Variants in ADGRV1 observed in about 807,000 individuals in gnomAD.
ADGRV1 encodes the protein G-protein coupled receptor 98.
Under a neutral mutation model 596.2 loss-of-function variants are expected in ADGRV1, and 359 were observed. The ratio of observed to expected loss-of-function variants is 0.60; its 90% CI spans 0.55 to 0.66. ADGRV1 has a LOEUF of 0.66. ADGRV1 is among the 30% of genes least tolerant of loss of function. The pLI is 0.00. For synonymous variants in ADGRV1, 2,681 were observed against 2,679.2 expected (o/e 1.00, Z -0.02); for missense variants, 7,274 against 7,575.6 (o/e 0.96, Z 1.48).
intron 1 of ADGRV1, among the ~76,000 whole-genome samples, chr5:90,612,671 T>C (rs111519961): frequency 6.6e-6 from 1 of 152,102 alleles, no homozygotes; most frequent in Non-Finnish European, 1.5e-5. Context: ...ATATAAGCAT[T>C]TGCTGTTATG....
At chr5:90,627,897 T>C in intron 7 of ADGRV1, 121 bp downstream of exon 7, 1 of 488,694 alleles carries the variant, frequency 2.0e-6, no homozygotes, top group Non-Finnish European at 3.4e-6. Context: ...CCCACAAAGT[T>C]TCATGACAAA....
intron 87 of ADGRV1, among the ~76,000 whole-genome samples, chr5:91,130,365 C>T (rs13158589): frequency 6.6e-6 from 1 of 151,616 alleles, no homozygotes; most frequent in Non-Finnish European, 1.5e-5. Context: ...AACCCTGTCT[C>T]TACTAAAAAT....
chr5:90,993,733 G>T (rs562983121), intron 85 of ADGRV1, among the ~76,000 whole-genome samples: 1 of 151,916 alleles, frequency 6.6e-6, no homozygotes, highest in African/African-American at 2.4e-5. Context: ...TGGGTCTCTC[G>T]GAGTGGAGTC....
At chr5:91,112,024 CTG>C (rs1322441093) in intron 87 of ADGRV1, among the ~76,000 whole-genome samples, 2 of 152,200 alleles carry the variant, frequency 1.3e-5, no homozygotes, top group Non-Finnish European at 2.9e-5. Context: ...TGAAACACCT[CTG>C]TGTTTTTGAG....
At chr5:91,024,419 T>C (rs1443528741) in intron 85 of ADGRV1, among the ~76,000 whole-genome samples, 1 of 152,180 alleles carries the variant, frequency 6.6e-6, no homozygotes, top group African/African-American at 2.4e-5. Flanking sequence ...TCTGCCAACA[T>C]TTAGGATTTG....
chr5:91,036,373 C>A (rs1246305323), intron 85 of ADGRV1, among the ~76,000 whole-genome samples: 1 of 151,994 alleles, frequency 6.6e-6, no homozygotes, highest in Non-Finnish European at 1.5e-5. Flanking sequence ...TCCTGGCTAA[C>A]ACGGTGAAAC....
chr5:90,585,727 A>G (rs1296835478), intron 1 of ADGRV1, among the ~76,000 whole-genome samples: 1 of 152,268 alleles, frequency 6.6e-6, no homozygotes, highest in Non-Finnish European at 1.5e-5. Context: ...AAAGAGAAGC[A>G]GTCCCGCATG....
intron 42 of ADGRV1, among the ~76,000 whole-genome samples, chr5:90,715,785 C>A (rs1218511847): frequency 6.6e-6 from 1 of 151,906 alleles, no homozygotes. Flanking sequence ...CTTCAAATTA[C>A]CTGAATGTCC....
intron 26 of ADGRV1, among the ~76,000 whole-genome samples, chr5:90,679,986 G>A (rs898436974): frequency 3.3e-5 from 5 of 152,132 alleles, no homozygotes; most frequent in African/African-American, 4.8e-5. Context: ...ATAAAAAGAG[G>A]TCAATAGAAA....
chr5:90,850,526 A>T (rs1332866966), intron 79 of ADGRV1, among the ~76,000 whole-genome samples: 1 of 152,178 alleles, frequency 6.6e-6, no homozygotes, highest in Non-Finnish European at 1.5e-5. Flanking sequence ...AAGTGAGGCC[A>T]CAGTATGCAT....
At chr5:90,716,354 C>T in intron 42 of ADGRV1, 113 bp from the exon 43 acceptor site, 1 of 636,988 alleles carries the variant, frequency 1.6e-6, no homozygotes, top group South Asian at 3.3e-5. Flanking sequence ...CATCTTAAGA[C>T]AATCACCTTA....
intron 83 of ADGRV1, among the ~76,000 whole-genome samples, chr5:90,946,491 A>T (rs1776587333): frequency 6.6e-6 from 1 of 152,142 alleles, no homozygotes; most frequent in African/African-American, 2.4e-5. Flanking sequence ...ATACATGTGC[A>T]GGACACGTAG....
chr5:90,677,601 G>A (rs1327638810), intron 25 of ADGRV1, among the ~76,000 whole-genome samples: 3 of 152,116 alleles, frequency 2.0e-5, no homozygotes, highest in Admixed American at 1.3e-4. Context: ...ATTAATAATT[G>A]TACATGAAAT....
intron 15 of ADGRV1, among the ~76,000 whole-genome samples, chr5:90,645,365 A>G (rs1767598669): frequency 6.6e-6 from 1 of 152,180 alleles, no homozygotes; most frequent in South Asian, 2.1e-4. Context: ...CCATTCCTCA[A>G]GAGACAAAAT....
chr5:90,855,643 G>T (rs1398785753), intron 81 of ADGRV1, 98 bp from the exon 82 acceptor site: 2 of 790,736 alleles, frequency 2.5e-6, no homozygotes, highest in Non-Finnish European at 4.0e-6. Context: ...CTTGAGCAAA[G>T]AACACTTAAT....
rs551612971 is a variant in ADGRV1 at position 90,843,922 on chromosome 5, T to A, written c.17019+2937T>A. On this transcript the variant is annotated intron_variant, in intron 78 of 89. Transcript: ENST00000405460. ...AGCATAGCAATAATAATGAGAATAA[T>A]AAAACAAGAACTGAAAATTTGGATT... Among the ~76,000 whole-genome samples, 24 of 152,224 alleles carry A rather than the reference T, an allele frequency of 1.6e-4. No homozygotes were observed. The South Asian group carries it at 4.3e-3, about 28-fold the overall frequency.
chr5:90,847,449 C>CTTCA (rs971851412), intron 78 of ADGRV1, among the ~76,000 whole-genome samples: 29 of 152,368 alleles, frequency 1.9e-4, no homozygotes, highest in African/African-American at 7.0e-4. Context: ...GCCCAGCTGG[C>CTTCA]TTCACCCAGT....
At chr5:91,102,674 A>G (rs1036220084) in intron 87 of ADGRV1, among the ~76,000 whole-genome samples, 2 of 152,214 alleles carry the variant, frequency 1.3e-5, no homozygotes, top group African/African-American at 2.4e-5. Context: ...ATCAATGCAC[A>G]TATTTGGATT....
At chr5:90,874,590 G>A (rs779396659) in intron 83 of ADGRV1, among the ~76,000 whole-genome samples, 6 of 151,740 alleles carry the variant, frequency 4.0e-5, no homozygotes, top group South Asian at 2.1e-4. Flanking sequence ...GGCCGCGTGC[G>A]GTGGCTCACA....
Sources: allele counts gnomAD v4.1 joint callset (sites outside exome capture counted in the v4.1 genomes callset), GRCh38; gene constraint gnomAD v4.1.1; transcripts MANE v1.5; gene names NCBI Gene and HGNC (gene_info 2026-07-23, HGNC 2026-07-21).